ERBB4: variants seen among roughly 807,000 people sequenced by gnomAD.
The protein encoded by ERBB4 is receptor tyrosine-protein kinase erbB-4.
Under a neutral mutation model 158.0 loss-of-function variants are expected in ERBB4, and 42 were observed. The ratio of observed to expected loss-of-function variants is 0.27; its 90% CI spans 0.21 to 0.34. The LOEUF (loss-of-function observed/expected upper bound fraction) is 0.34, where lower values mean the gene tolerates loss of function less well. Ranked by LOEUF, ERBB4 falls within the 10% of genes least tolerant of loss-of-function variation. The pLI is 1.00. For synonymous variants in ERBB4, 583 were observed against 558.7 expected (o/e 1.04, Z -0.61); for missense variants, 1,333 against 1,624.1 (o/e 0.82, Z 3.08).
chr2:211,952,524 T>A (rs546865789), intron 2 of ERBB4, among the ~76,000 whole-genome samples: 2 of 152,086 alleles, frequency 1.3e-5, no homozygotes, highest in African/African-American at 2.4e-5. Context: ...CATTTTCCAC[T>A]GTTTTAGAAA....
intron 2 of ERBB4, among the ~76,000 whole-genome samples, chr2:212,105,732 C>T (rs1297289087): frequency 6.6e-6 from 1 of 152,180 alleles, no homozygotes; most frequent in Non-Finnish European, 1.5e-5. Flanking sequence ...ACTGTGTCCC[C>T]ATCCAAATCT....
chr2:212,483,742 TG>T (rs993811534), intron 1 of ERBB4, among the ~76,000 whole-genome samples: 8 of 149,792 alleles, frequency 5.3e-5, no homozygotes, highest in African/African-American at 2.0e-4. Flanking sequence ...CTTGTCATCA[TG>T]GTCTTTTTTT....
chr2:211,524,199 G>C (rs2066271136), intron 20 of ERBB4, among the ~76,000 whole-genome samples: 1 of 152,042 alleles, frequency 6.6e-6, no homozygotes, highest in Admixed American at 6.5e-5. Flanking sequence ...GTGTCGATTG[G>C]TGCATTCACA....
In ERBB4 at chr2:211,772,924, C is replaced by CACACACACACACACATATAT. The variant is rs1181682464; in HGVS notation, c.556+15100_556+15101insATATATGTGTGTGTGTGTGT. Among the ~76,000 whole-genome samples, 59 of 36,708 alleles carry CACACACACACACACATATAT rather than the reference C, an allele frequency of 1.6e-3. 1 individual carries two copies. Among genetic ancestry groups the CACACACACACACACATATAT allele is most frequent in the African/African-American group, 8.3e-3 (56 of 6,750 alleles). The allele number at this position is 36,708 out of a possible 152,430, so 24.1% of individuals were successfully genotyped here. Reference sequence around the variant, plus strand: ...ATATATATATACACACACACACACACATATATATATATATATATATATATA... The same window carrying CACACACACACACACATATAT: ...ATATATATATACACACACACACACACACACACACACACACATATATATATATATATATATATATATATATA... On this transcript the variant is annotated intron_variant, in intron 4 of 27. Transcript: ENST00000342788.
At chr2:212,414,575 A>G (rs945626882) in intron 1 of ERBB4, among the ~76,000 whole-genome samples, 8 of 152,324 alleles carry the variant, frequency 5.3e-5, no homozygotes, top group Non-Finnish European at 1.2e-4. Flanking sequence ...CAATCTTAGT[A>G]TTTTAAGCTA....
At chr2:212,469,003 C>T (rs1424181574) in intron 1 of ERBB4, among the ~76,000 whole-genome samples, 1 of 152,114 alleles carries the variant, frequency 6.6e-6, no homozygotes, top group Non-Finnish European at 1.5e-5. Context: ...GGGGATCAAT[C>T]AAATCTTATT....
chr2:212,110,620 T>C (rs917497129), intron 2 of ERBB4, among the ~76,000 whole-genome samples: 1 of 152,242 alleles, frequency 6.6e-6, no homozygotes, highest in Non-Finnish European at 1.5e-5. Context: ...AAAATTCAAA[T>C]GGGACTTTGC....
At chr2:211,537,192 C>T (rs1430859436) in intron 20 of ERBB4, among the ~76,000 whole-genome samples, 4 of 151,960 alleles carry the variant, frequency 2.6e-5, no homozygotes, top group African/African-American at 9.7e-5. Context: ...TCAAAAACTT[C>T]ACCATTTTCT....
At chr2:211,912,200 G>A (rs184429196) in intron 3 of ERBB4, among the ~76,000 whole-genome samples, 67 of 152,230 alleles carry the variant, frequency 4.4e-4, no homozygotes, top group Admixed American at 7.9e-4. Context: ...GAAAAAGGGA[G>A]TAAAGGAGGA....
chr2:212,107,432 T>C (rs1575642505), intron 2 of ERBB4, among the ~76,000 whole-genome samples: 1 of 152,184 alleles, frequency 6.6e-6, no homozygotes, highest in Non-Finnish European at 1.5e-5. Context: ...GGTGTATTTA[T>C]CCAATGCCTG....
chr2:211,741,725 TTAAG>T (rs1044357860), intron 5 of ERBB4, among the ~76,000 whole-genome samples: 2 of 152,194 alleles, frequency 1.3e-5, no homozygotes, highest in Admixed American at 1.3e-4. Context: ...TGGCTTGTCA[TTAAG>T]TAATAGCTCC....
chr2:211,671,075 TAGGTGAACTAAA>T (rs1346253211), intron 14 of ERBB4, among the ~76,000 whole-genome samples: 1 of 152,156 alleles, frequency 6.6e-6, no homozygotes, highest in Non-Finnish European at 1.5e-5. Flanking sequence ...TCTATAGGAT[TAGGTGAACTAAA>T]AGTATTAGTT....
intron 20 of ERBB4, among the ~76,000 whole-genome samples, chr2:211,447,050 G>T (rs1448829295): frequency 6.6e-6 from 1 of 152,102 alleles, no homozygotes; most frequent in African/African-American, 2.4e-5. Flanking sequence ...CGAATAAATG[G>T]ATTTAATGAA....
intron 3 of ERBB4, among the ~76,000 whole-genome samples, chr2:211,928,410 A>T (rs746631861): frequency 6.6e-6 from 1 of 152,148 alleles, no homozygotes; most frequent in African/African-American, 2.4e-5. Flanking sequence ...ACACCAGAGG[A>T]CTGCACCTGT....
chr2:211,990,109 G>A (rs10208389), intron 2 of ERBB4, among the ~76,000 whole-genome samples: 98,825 of 151,700 alleles, frequency 0.65, 35,751 homozygotes, highest in Non-Finnish European at 0.82. Context: ...TATTTAAAAA[G>A]TAAAAGAGAT....
chr2:212,507,282 G>C (rs192809817), intron 1 of ERBB4, among the ~76,000 whole-genome samples: 6 of 149,840 alleles, frequency 4.0e-5, no homozygotes, highest in Non-Finnish European at 5.9e-5. Flanking sequence ...AAGAGTTCTC[G>C]TGGAGATCTA....
At chr2:212,172,679 G>T (rs1206305313) in intron 1 of ERBB4, among the ~76,000 whole-genome samples, 1 of 152,036 alleles carries the variant, frequency 6.6e-6, no homozygotes, top group East Asian at 1.9e-4. Context: ...ATTAATACAG[G>T]AACTGAAAAC....
At chr2:211,813,326 T>C (rs1220717601) in intron 3 of ERBB4, among the ~76,000 whole-genome samples, 2 of 152,264 alleles carry the variant, frequency 1.3e-5, no homozygotes, top group African/African-American at 4.8e-5. Flanking sequence ...AGTGTTATAA[T>C]AGCAGGTAAA....
intron 1 of ERBB4, among the ~76,000 whole-genome samples, chr2:212,241,232 G>A (rs2084091967): frequency 6.6e-6 from 1 of 151,892 alleles, no homozygotes; most frequent in African/African-American, 2.4e-5. Context: ...ACTCCAGATT[G>A]GGTGAGAGAG....
Sources: gnomAD v4.1 joint callset for allele counts (sites outside exome capture counted in the v4.1 genomes callset) on GRCh38, gnomAD v4.1.1 for gene constraint, MANE v1.5 for transcripts, NCBI Gene and HGNC (gene_info 2026-07-23, HGNC 2026-07-21) for gene names.